Variants in FAM120C observed in about 807,000 individuals in gnomAD.
FAM120C encodes the protein constitutive coactivator of PPAR-gamma-like protein 2.
Under a neutral mutation model 71.2 loss-of-function variants are expected in FAM120C, and 14 were observed. The ratio of observed to expected loss-of-function variants is 0.20; its 90% CI spans 0.13 to 0.31. The LOEUF is 0.31. Among genes scored for constraint, FAM120C ranks in the 10% least tolerant of loss-of-function variants. The pLI is 1.00. For missense variants in FAM120C, 500 were observed against 879.0 expected (o/e 0.57, Z 5.45); for synonymous variants, 354 against 353.2 (o/e 1.00, Z -0.03).
intron 10 of FAM120C, among the ~76,000 whole-genome samples, chrX:54,093,541 A>G (rs1401364812): frequency 1.8e-5 from 2 of 111,861 alleles, no homozygotes; most frequent in African/African-American, 3.2e-5. Flanking sequence ...AACAGAGTAC[A>G]TGCCAGAGTG....
intron 10 of FAM120C, among the ~76,000 whole-genome samples, chrX:54,112,294 GTA>G (rs2066941335): frequency 9.0e-6 from 1 of 110,916 alleles, no homozygotes; most frequent in African/African-American, 3.3e-5. Context: ...GTGCACACCT[GTA>G]ATCCCAGCTA....
At chrX:54,179,892 T>C (rs1557137115) in intron 1 of FAM120C, among the ~76,000 whole-genome samples, 1 of 112,080 alleles carries the variant, frequency 8.9e-6, no homozygotes, top group African/African-American at 3.2e-5. Flanking sequence ...AGAGGACTGC[T>C]GGGAATTTTT....
chrX:54,080,364 C>T (rs964804802), intron 14 of FAM120C, 75 bp from the exon 15 acceptor site: 3 of 848,936 alleles, frequency 3.5e-6, no homozygotes, highest in Non-Finnish European at 5.2e-6. Context: ...GTTAACTATT[C>T]GTCTCCTCTT....
At chrX:54,164,609 GAAT>G (rs782534949) in intron 1 of FAM120C, among the ~76,000 whole-genome samples, 1 of 111,924 alleles carries the variant, frequency 8.9e-6, no homozygotes, top group Non-Finnish European at 1.9e-5. Context: ...TTTTAAGGCT[GAAT>G]AATATTCCAT....
chrX:54,078,185 C>T (rs985109350), intron 15 of FAM120C, among the ~76,000 whole-genome samples: 5 of 106,514 alleles, frequency 4.7e-5, no homozygotes, highest in African/African-American at 1.4e-4. Flanking sequence ...CCTCGTGATC[C>T]GCCCGCCTCG....
In FAM120C at chrX:54,072,371, C is replaced by T. The variant is rs782178319; in HGVS notation, c.*662G>A. 1 of 109,607 alleles carries T rather than the reference C, an allele frequency of 9.1e-6. No individual in the cohort carries two copies. The highest frequency in any genetic ancestry group is 1.9e-5 in the Non-Finnish European group (1 of 52,579). The allele number at this position is 109,607 out of a possible 1,213,427, so 9.0% of individuals were successfully genotyped here. A position where few individuals can be genotyped will look rare whatever the true frequency, so the allele number is the denominator to read the frequency against. On this transcript the variant is annotated 3_prime_UTR_variant, in exon 16 of 16. Transcript: ENST00000375180. Reference sequence around the variant, plus strand: ...TACTTTTCTGATTCACTTGAATCCCCCAGTACAAAGGCCATTGATAGTTTT... The same window carrying T: ...TACTTTTCTGATTCACTTGAATCCCTCAGTACAAAGGCCATTGATAGTTTT...
Position 54,134,040 on chromosome X carries a change from G to T in FAM120C, c.1623C>A (p.Ile541=). ...DEPNGASSDH[I]TEAFHHQPEW... ...CAGGCTGGTGATGAAATGCTTCTGT[G>T]ATATGACTAAAAAATGTAGAAAGAC... The change falls in exon 8 of 16, where the codon ATC becomes ATA. Residue 541 remains isoleucine, a synonymous_variant. Transcript: ENST00000375180. The T allele has an allele frequency of 8.3e-7, 1 of 1,207,343 alleles. No individual in the cohort carries two copies. The highest frequency in any genetic ancestry group is 2.2e-5 in the Admixed American group (1 of 45,733).
At chrX:54,147,951 C>A (rs1322286979) in intron 4 of FAM120C, among the ~76,000 whole-genome samples, 1 of 111,427 alleles carries the variant, frequency 9.0e-6, no homozygotes, top group East Asian at 2.8e-4. Flanking sequence ...CCCACCTCAG[C>A]CTCCCAAAGT....
At chrX:54,157,543 C>G in intron 3 of FAM120C, 146 bp downstream of exon 3, 1 of 457,462 alleles carries the variant, frequency 2.2e-6, no homozygotes, top group South Asian at 3.5e-5. Flanking sequence ...GTGTGAGTCA[C>G]CACCGCACCT....
intron 4 of FAM120C, among the ~76,000 whole-genome samples, chrX:54,139,144 G>A (rs1254536737): frequency 6.3e-5 from 7 of 110,574 alleles, no homozygotes; most frequent in East Asian, 2.8e-4. Context: ...GGGTGTGATC[G>A]TTTTCACAAA....
intron 15 of FAM120C, 46 bp from the exon 16 acceptor site, chrX:54,073,333 G>T: frequency 5.2e-6 from 6 of 1,156,643 alleles, no homozygotes; most frequent in Middle Eastern, 2.7e-4. Context: ...TCCCAGACTG[G>T]CTGACCCTTC....
chrX:54,077,936 ACT>A (rs1557120827), intron 15 of FAM120C, among the ~76,000 whole-genome samples: 1 of 52,737 alleles, frequency 1.9e-5, no homozygotes, highest in Non-Finnish European at 4.1e-5. Context: ...AATAAGATCT[ACT>A]CTTTTTTTTT....
intron 1 of FAM120C, among the ~76,000 whole-genome samples, chrX:54,167,690 G>A (rs2067266752): frequency 9.0e-6 from 1 of 110,505 alleles, no homozygotes; most frequent in Non-Finnish European, 1.9e-5. Flanking sequence ...GGGGAGGCCG[G>A]GTGTGGTGGC....
At chrX:54,076,867 G>A (rs1307862760) in intron 15 of FAM120C, among the ~76,000 whole-genome samples, 4 of 111,391 alleles carry the variant, frequency 3.6e-5, no homozygotes, top group African/African-American at 6.5e-5. Flanking sequence ...CGAGGCAGGC[G>A]GATCACCCGA....
intron 3 of FAM120C, 35 bp downstream of exon 3, chrX:54,157,654 C>T: frequency 3.0e-6 from 3 of 1,009,419 alleles, no homozygotes; most frequent in Non-Finnish European, 4.2e-6. Context: ...CCTCATATCC[C>T]CTAATCTGTA....
At position 54,151,245 on chromosome X, in the gene FAM120C, C is replaced by T; in HGVS notation, c.1158G>A (p.Gln386=). The change falls in exon 4 of 16, where the codon CAG becomes CAA. Residue 386 remains glutamine (Q), a splice_region_variant and synonymous_variant. Transcript: ENST00000375180. ...CTTAGGAAGGGGAATGCTAACTTAC[C>T]TGAGACTGTTTGAAAACATCCTTCC... is the stretch of plus-strand genomic sequence containing the variant. The part of the protein sequence containing the change: ...VVGKDVFKQS[Q]SRTEDKIERF... 1.7e-6 allele frequency: 2 copies of T among 1,210,559 alleles called. No individual in the cohort carries two copies. Among genetic ancestry groups the T allele is most frequent in the South Asian group, 1.8e-5 (1 of 56,778 alleles).
chrX:54,171,436 T>C (rs1319971998), intron 1 of FAM120C: 1 of 112,304 alleles, frequency 8.9e-6, no homozygotes, highest in African/African-American at 3.2e-5. Flanking sequence ...CACAGAAATG[T>C]ATTTTTATTT....
chrX:54,081,647 G>A (rs1286092232), intron 13 of FAM120C, among the ~76,000 whole-genome samples, 187 bp from the exon 14 acceptor site: 5 of 108,669 alleles, frequency 4.6e-5, no homozygotes, highest in Non-Finnish European at 9.5e-5. Context: ...CGTGGTGTGC[G>A]GCTGCAATCC....
chrX:54,168,309 G>C (rs782703427), intron 1 of FAM120C, among the ~76,000 whole-genome samples: 4 of 110,783 alleles, frequency 3.6e-5, no homozygotes, highest in Admixed American at 1.9e-4. Flanking sequence ...GTTAATTTTT[G>C]ATTTTGTGTA....
Sources: gnomAD v4.1 joint callset for allele counts (sites outside exome capture counted in the v4.1 genomes callset) on GRCh38, gnomAD v4.1.1 for gene constraint, MANE v1.5 for transcripts, NCBI Gene and HGNC (gene_info 2026-07-23, HGNC 2026-07-21) for gene names.